NXPE2: variants seen among roughly 807,000 people sequenced by gnomAD.
NXPE2 encodes NXPE family member 2.
In NXPE2, 34 loss-of-function variants were observed where a neutral mutation model predicts 34.4. That is an observed-to-expected ratio of 0.99 (90% CI 0.75 to 1.31). The LOEUF is 1.31. Among genes scored for constraint, NXPE2 ranks in the 40% most tolerant of loss-of-function variants. NXPE2 has a pLI of 0.00. For missense variants in NXPE2, 649 were observed against 672.5 expected (o/e 0.97, Z 0.39); for synonymous variants, 235 against 231.3 (o/e 1.02, Z -0.15).
chr11:114,801,401 A>C, the NXPE2 span, among the ~76,000 whole-genome samples: 1 of 152,236 alleles, frequency 6.6e-6, no homozygotes, highest in Non-Finnish European at 1.5e-5. Flanking sequence ...CAAGGAAAGA[A>C]GACTTAATGA....
intron 2 of NXPE2, among the ~76,000 whole-genome samples, chr11:114,696,598 A>G (rs1210622490): frequency 6.6e-6 from 1 of 152,214 alleles, no homozygotes; most frequent in Non-Finnish European, 1.5e-5. Context: ...CATAACAACC[A>G]ATACATGTGT....
the NXPE2 span, among the ~76,000 whole-genome samples, chr11:114,720,664 CTTTATG>C: frequency 6.6e-6 from 1 of 152,052 alleles, no homozygotes; most frequent in Admixed American, 6.6e-5. Context: ...CATTAATAAT[CTTTATG>C]TTGATGATGT....
the NXPE2 span, among the ~76,000 whole-genome samples, chr11:114,601,651 A>G: frequency 2.7e-5 from 2 of 74,266 alleles, no homozygotes; most frequent in African/African-American, 1.2e-4. Context: ...ATATAATTAT[A>G]TATTATAAAT....
At chr11:114,545,434 T>C in the NXPE2 span, among the ~76,000 whole-genome samples, 1 of 148,204 alleles carries the variant, frequency 6.7e-6, no homozygotes, top group East Asian at 1.9e-4. Flanking sequence ...GAATCTTAAA[T>C]GCATAATGCT....
At chr11:114,682,963 T>C (rs1284692625) in intron 2 of NXPE2, among the ~76,000 whole-genome samples, 2 of 151,958 alleles carry the variant, frequency 1.3e-5, no homozygotes, top group African/African-American at 4.8e-5. Flanking sequence ...AGTTGAACTT[T>C]GGGTTAAAAT....
the NXPE2 span, among the ~76,000 whole-genome samples, chr11:114,491,500 C>G: frequency 6.6e-6 from 1 of 152,032 alleles, no homozygotes; most frequent in Non-Finnish European, 1.5e-5. Context: ...ATTAAAAAGT[C>G]AGGAAACAAC....
chr11:114,576,475 A>G, the NXPE2 span, among the ~76,000 whole-genome samples: 68 of 152,296 alleles, frequency 4.5e-4, no homozygotes, highest in Non-Finnish European at 1.6e-4. Context: ...CATATCCAGA[A>G]TCTACAAAGA....
the NXPE2 span, among the ~76,000 whole-genome samples, chr11:114,593,892 G>A: frequency 1.3e-5 from 2 of 152,076 alleles, no homozygotes; most frequent in African/African-American, 4.8e-5. Flanking sequence ...GGAACTGAAG[G>A]TCATTATGTT....
chr11:114,808,037 A>T, the NXPE2 span, among the ~76,000 whole-genome samples: 1 of 152,154 alleles, frequency 6.6e-6, no homozygotes, highest in East Asian at 1.9e-4. Context: ...GGATTAAGAA[A>T]CTCACTCAAA....
the NXPE2 span, among the ~76,000 whole-genome samples, chr11:114,737,933 A>C: frequency 0.02 from 3,002 of 152,128 alleles, 98 homozygotes; most frequent in African/African-American, 0.069. Context: ...AAAATAAAAA[A>C]AAAATTTGCC....
At chr11:114,594,890 C>A in the NXPE2 span, 1 of 587,438 alleles carries the variant, frequency 1.7e-6, no homozygotes, top group Admixed American at 3.1e-5. Context: ...AGATAAATAA[C>A]TCCCAGAAAT....
chr11:114,776,421 G>A, the NXPE2 span, among the ~76,000 whole-genome samples: 6 of 152,262 alleles, frequency 3.9e-5, no homozygotes, highest in Non-Finnish European at 7.3e-5. Context: ...TGCGTGAAGC[G>A]CAGGAAGTTA....
At chr11:114,563,462 T>A in the NXPE2 span, among the ~76,000 whole-genome samples, 1 of 152,124 alleles carries the variant, frequency 6.6e-6, no homozygotes, top group South Asian at 2.1e-4. Flanking sequence ...ATCTCTAAAG[T>A]TTGGGATTAT....
chr11:114,489,735 A>T, the NXPE2 span, among the ~76,000 whole-genome samples: 1 of 152,170 alleles, frequency 6.6e-6, no homozygotes, highest in African/African-American at 2.4e-5. Flanking sequence ...TCTATGACAA[A>T]CCCACAGCCA....
the NXPE2 span, among the ~76,000 whole-genome samples, chr11:114,648,579 C>A: frequency 6.6e-6 from 1 of 152,104 alleles, no homozygotes; most frequent in Admixed American, 6.6e-5. Context: ...AATATGTATA[C>A]CTCATGACCC....
chr11:114,633,881 T>C, the NXPE2 span, among the ~76,000 whole-genome samples: 1 of 152,066 alleles, frequency 6.6e-6, no homozygotes, highest in African/African-American at 2.4e-5. Context: ...ATATTGGGGT[T>C]GGTTCCAAGT....
chr11:114,607,575 A>G, the NXPE2 span, among the ~76,000 whole-genome samples: 4 of 151,944 alleles, frequency 2.6e-5, no homozygotes, highest in East Asian at 7.8e-4. Context: ...AACCACAGTT[A>G]CCCAGTGGAT....
At chr11:114,639,911 TATA>T in the NXPE2 span, among the ~76,000 whole-genome samples, 27 of 114,608 alleles carry the variant, frequency 2.4e-4, no homozygotes, top group Admixed American at 7.8e-4. Flanking sequence ...AAATATAAAA[TATA>T]ATATTATATT....
In NXPE2 at chr11:114,705,865, C is replaced by T. The variant is rs1035462256; in HGVS notation, c.1013C>T (p.Thr338Ile). The T allele has an allele frequency of 1.6e-5, 25 of 1,544,470 alleles. No individual in the cohort carries two copies. The highest frequency in any genetic ancestry group is 1.2e-5 in the South Asian group (1 of 82,786). ...SGYTLKKMWITAFCKQIKFNE... is the reference protein window; with the variant it reads ...SGYTLKKMWIIAFCKQIKFNE... ...TATACTTTGAAAAAAATGTGGATTACAGCATTTTGTAAACAGATCAAGTTC... is the reference window on the plus strand; with the variant it reads ...TATACTTTGAAAAAAATGTGGATTATAGCATTTTGTAAACAGATCAAGTTC... Residue 338 changes from threonine (T) to isoleucine (I), a missense_variant, in exon 5 of 6, where the codon ACA becomes ATA. Physicochemically the swap from Thr to Ile is moderately conservative, Grantham distance 89. Coordinates refer to ENST00000389586, the MANE Select transcript of NXPE2 (RefSeq NM_182495.6).
Sources: allele counts gnomAD v4.1 joint callset (sites outside exome capture counted in the v4.1 genomes callset), GRCh38; gene constraint gnomAD v4.1.1; transcripts MANE v1.5; gene names NCBI Gene and HGNC (gene_info 2026-07-23, HGNC 2026-07-21).